Variants in TNPO3 observed in about 807,000 individuals in gnomAD.
The protein encoded by TNPO3 is transportin 3.
A neutral mutation model predicts 122.8 loss-of-function variants in TNPO3; 65 were observed. That is an observed-to-expected ratio of 0.53 (90% CI 0.43 to 0.65). The LOEUF is 0.65. Ranked by LOEUF, TNPO3 falls within the 30% of genes least tolerant of loss-of-function variation. TNPO3 has a pLI of 0.00. For missense variants in TNPO3, 850 were observed against 1,136.7 expected (o/e 0.75, Z 3.63); for synonymous variants, 372 against 411.2 (o/e 0.90, Z 1.15).
chr7:128,986,675 T>C, intron 12 of TNPO3, 54 bp downstream of exon 12: 1 of 1,489,730 alleles, frequency 6.7e-7, no homozygotes, highest in Non-Finnish European at 9.1e-7. Flanking sequence ...GATGTAAGAT[T>C]ACCCCAGGTA....
intron 11 of TNPO3, among the ~76,000 whole-genome samples, chr7:128,988,711 G>GA (rs1290692369): frequency 6.6e-6 from 1 of 152,202 alleles, no homozygotes; most frequent in East Asian, 1.9e-4. Flanking sequence ...GTTCAGAAAA[G>GA]AAAGCCAAAT....
At chr7:129,055,476 C>G (rs1347919341), upstream of TNPO3, 2 of 156,864 alleles carry the variant, frequency 1.3e-5, no homozygotes, top group East Asian at 3.8e-4. Flanking sequence ...CCAAAGATGA[C>G]TTAAGACATG....
At chr7:128,972,323 G>C in intron 19 of TNPO3, 103 bp downstream of exon 19, 1 of 1,299,576 alleles carries the variant, frequency 7.7e-7, no homozygotes, top group Non-Finnish European at 1.1e-6. Flanking sequence ...TACCAATATA[G>C]ATCAAGTAAG....
intron 18 of TNPO3, 44 bp downstream of exon 18, chr7:128,974,824 G>T: frequency 2.0e-6 from 3 of 1,483,458 alleles, no homozygotes; most frequent in Non-Finnish European, 2.8e-6. Context: ...ACTAAGCAGT[G>T]ATAGGATGAG....
intron 16 of TNPO3, among the ~76,000 whole-genome samples, chr7:128,977,129 T>C (rs993894620): frequency 6.6e-6 from 1 of 152,142 alleles, no homozygotes; most frequent in Non-Finnish European, 1.5e-5. Flanking sequence ...TGCTGGCTCC[T>C]GAGTTAAGGG....
At chr7:129,012,926 C>A (rs1274331725) in intron 4 of TNPO3, among the ~76,000 whole-genome samples, 2 of 152,038 alleles carry the variant, frequency 1.3e-5, no homozygotes, top group African/African-American at 4.8e-5. Context: ...GGCAGCCAAC[C>A]CATAAACTAT....
At position 128,974,913 on chromosome 7, in the gene TNPO3, T is replaced by C. The variant is rs760588492; in HGVS notation, c.2228A>G (p.Gln743Arg). 13 of 1,614,144 alleles carry C rather than the reference T, an allele frequency of 8.1e-6. No individual in the cohort carries two copies. In the Admixed American group the frequency reaches 1.7e-4, roughly 21 times the overall value. ...FQLLEQQNGL[Q>R]NHPDTVDDLF... Reference sequence around the variant, plus strand: ...GTCATCTACAGTGTCAGGGTGATTCTGGAGACCATTCTGCTGTTCTAGGAG... The same window carrying C: ...GTCATCTACAGTGTCAGGGTGATTCCGGAGACCATTCTGCTGTTCTAGGAG... Residue 743 changes from glutamine (Q) to arginine (R), a missense_variant, in exon 18 of 23, where the codon CAG (glutamine) becomes CGG (arginine). Transcript: ENST00000265388.
chr7:128,981,327 T>C (rs1481660403), intron 14 of TNPO3, among the ~76,000 whole-genome samples: 2 of 152,208 alleles, frequency 1.3e-5, no homozygotes, highest in African/African-American at 4.8e-5. Flanking sequence ...AATTATAAAT[T>C]ATGTTACTCA....
intron 1 of TNPO3, among the ~76,000 whole-genome samples, chr7:129,052,196 C>T (rs900957250): frequency 5.9e-5 from 9 of 152,184 alleles, no homozygotes; most frequent in African/African-American, 2.2e-4. Flanking sequence ...TCACTGTGCC[C>T]CTGGCTTCCG....
intron 4 of TNPO3, among the ~76,000 whole-genome samples, chr7:129,005,621 G>A (rs939484393): frequency 6.6e-6 from 1 of 151,558 alleles, no homozygotes; most frequent in Admixed American, 6.6e-5. Flanking sequence ...TCTCCTGCCG[G>A]CCGTGTGAAC....
At chr7:129,000,919 T>G (rs953521596) in intron 6 of TNPO3, 140 bp downstream of exon 6, 3 of 1,014,714 alleles carry the variant, frequency 3.0e-6, no homozygotes, top group Non-Finnish European at 1.4e-6. Context: ...AAGAGCATAG[T>G]AGAGCATCTT....
intron 1 of TNPO3, among the ~76,000 whole-genome samples, chr7:129,021,171 T>C (rs561900817): frequency 6.6e-6 from 1 of 151,870 alleles, no homozygotes; most frequent in East Asian, 1.9e-4. Context: ...GTCGGGCCAA[T>C]ATGGTGAAAC....
intron 18 of TNPO3, among the ~76,000 whole-genome samples, chr7:128,974,655 C>T (rs1237026670): frequency 2.0e-4 from 30 of 152,162 alleles, no homozygotes; most frequent in Non-Finnish European, 2.9e-5. Context: ...TCCTTCCTGG[C>T]AGGAACTCAG....
chr7:129,042,876 A>C (rs1376359588), intron 1 of TNPO3, among the ~76,000 whole-genome samples: 2 of 152,070 alleles, frequency 1.3e-5, no homozygotes, highest in African/African-American at 4.8e-5. Flanking sequence ...AAAAAAAAAA[A>C]AAAAAATTGT....
intron 11 of TNPO3, among the ~76,000 whole-genome samples, chr7:128,989,348 G>C (rs190726031): frequency 6.6e-6 from 1 of 152,234 alleles, no homozygotes; most frequent in Non-Finnish European, 1.5e-5. Context: ...GTCAGGGCTT[G>C]ATATATATTA....
In TNPO3 at chr7:129,054,813, C is replaced by T. The variant is rs199596606; in HGVS notation, c.-43G>A. 1.8e-4 allele frequency: 296 copies of T among 1,612,484 alleles called. 1 individual carries two copies. The highest frequency in any genetic ancestry group is 2.2e-4 in the Non-Finnish European group (256 of 1,179,354). On this transcript the variant is annotated 5_prime_UTR_variant, in exon 1 of 23. Coordinates refer to ENST00000265388, the MANE Select transcript of TNPO3 (RefSeq NM_012470.4). ...CGGTAGCGACGGCTCTGATTCTTCT[C>T]CGGAGGATTCCTCGGTTGCTCCGCC...
chr7:128,991,819 G>A (rs763055673), intron 10 of TNPO3, among the ~76,000 whole-genome samples, 180 bp downstream of exon 10: 46 of 152,040 alleles, frequency 3.0e-4, no homozygotes, highest in Non-Finnish European at 5.3e-4. Context: ...GTTAAAACAT[G>A]GTATCAGCAA....
intron 1 of TNPO3, among the ~76,000 whole-genome samples, chr7:129,031,621 A>G (rs927678334): frequency 9.2e-5 from 14 of 152,226 alleles, no homozygotes; most frequent in African/African-American, 3.4e-4. Context: ...AAACATGTAA[A>G]GAAATAACAT....
chr7:128,983,597 G>C (rs919761129), intron 13 of TNPO3, among the ~76,000 whole-genome samples: 1 of 152,186 alleles, frequency 6.6e-6, no homozygotes, highest in African/African-American at 2.4e-5. Context: ...TTATTAAACT[G>C]TCAGAGTTAT....
Sources: allele counts gnomAD v4.1 joint callset (sites outside exome capture counted in the v4.1 genomes callset), GRCh38; gene constraint gnomAD v4.1.1; transcripts MANE v1.5; gene names NCBI Gene and HGNC (gene_info 2026-07-23, HGNC 2026-07-21).